The following STXBP4 variants were observed in gnomAD, a reference collection of about 807,000 sequenced individuals.
STXBP4 encodes syntaxin binding protein 4.
A neutral mutation model predicts 76.1 loss-of-function variants in STXBP4; 55 were observed. The observed-to-expected ratio is 0.72, with a 90% confidence interval of 0.58 to 0.91. The LOEUF (loss-of-function observed/expected upper bound fraction) is 0.91. STXBP4 is among the 40% of genes least tolerant of loss of function. The probability of loss-of-function intolerance (pLI) is 0.00; values close to 1 mark genes in which losing one functional copy is unlikely to be tolerated. For synonymous variants in STXBP4, 201 were observed against 220.2 expected (o/e 0.91, Z 0.77); for missense variants, 618 against 636.9 (o/e 0.97, Z 0.32).
intron 1 of STXBP4, among the ~76,000 whole-genome samples, chr17:54,982,920 T>C (rs559037675): frequency 4.1e-4 from 63 of 152,352 alleles, no homozygotes; most frequent in Middle Eastern, 6.8e-3. Context: ...TTTTCCAGCA[T>C]ACTGTAGTAG....
chr17:55,159,894 C>T lies in STXBP4; in HGVS notation c.1645C>T (p.Pro549Ser). Residue 549 changes from proline to serine, a missense_variant, in exon 18 of 18, where the codon CCC (proline) becomes TCC (serine). Coordinates refer to ENST00000376352, the MANE Select transcript of STXBP4 (RefSeq NM_178509.6). ...ENEEDCSREL[P>S]NQKS ...TGAAGAGGATTGCTCTAGAGAACTCCCCAACCAGAAAAGTTGATGGTTTTC... is the reference window on the plus strand; with the variant it reads ...TGAAGAGGATTGCTCTAGAGAACTCTCCAACCAGAAAAGTTGATGGTTTTC... 1.2e-6 allele frequency: 2 copies of T among 1,612,278 alleles called. No individual in the cohort carries two copies. Among genetic ancestry groups the T allele is most frequent in the Non-Finnish European group, 8.5e-7 (1 of 1,178,652 alleles).
chr17:55,159,938 A>T lies in STXBP4; in HGVS notation c.*27A>T. ...GGTTTTCCTTAGGAAGTGGAGCTAC[A>T]TGGATGATGTGAGCAGAGACGCATA... On this transcript the variant is annotated 3_prime_UTR_variant, in exon 18 of 18. Coordinates refer to ENST00000376352, the MANE Select transcript of STXBP4 (RefSeq NM_178509.6). 7.0e-7 allele frequency: 1 copy of T among 1,436,562 alleles called. No individual in the cohort carries two copies. Among genetic ancestry groups the T allele is most frequent in the Non-Finnish European group, 9.8e-7 (1 of 1,018,746 alleles). 89.0% of individuals were successfully genotyped at this position (1,436,562 alleles called of 1,614,324 possible). A position where few individuals can be genotyped will look rare whatever the true frequency, so the allele number is the denominator to read the frequency against.
the STXBP4 span, among the ~76,000 whole-genome samples, chr17:55,184,256 C>G: frequency 6.6e-6 from 1 of 152,068 alleles, no homozygotes; most frequent in Non-Finnish European, 1.5e-5. Flanking sequence ...CATTCCCAAT[C>G]TCAAAGAGAA....
intron 16 of STXBP4, among the ~76,000 whole-genome samples, chr17:55,116,659 C>T (rs981477628): frequency 4.2e-4 from 9 of 21,586 alleles, no homozygotes; most frequent in African/African-American, 4.1e-3. Context: ...TAATTATATG[C>T]AGTTATAACT....
intron 1 of STXBP4, among the ~76,000 whole-genome samples, chr17:54,969,939 A>G (rs2077365810): frequency 6.6e-6 from 1 of 152,258 alleles, no homozygotes; most frequent in Admixed American, 6.5e-5. Context: ...AAGACAATGT[A>G]ATAACATAGT....
chr17:55,116,508 G>A (rs186802559), intron 16 of STXBP4, among the ~76,000 whole-genome samples: 61 of 151,832 alleles, frequency 4.0e-4, no homozygotes, highest in Non-Finnish European at 8.3e-4. Flanking sequence ...AACAGTTTGG[G>A]ATTTCCAGAT....
chr17:55,042,293 T>C (rs761698777), intron 10 of STXBP4, among the ~76,000 whole-genome samples: 5 of 152,168 alleles, frequency 3.3e-5, no homozygotes, highest in Non-Finnish European at 5.9e-5. Context: ...TATTAACATT[T>C]CTGAGCTTGT....
At chr17:54,973,940 A>T (rs2077434268) in intron 1 of STXBP4, among the ~76,000 whole-genome samples, 1 of 152,226 alleles carries the variant, frequency 6.6e-6, no homozygotes, top group Non-Finnish European at 1.5e-5. Context: ...AGGTAAAGTA[A>T]GTTATATAAG....
At chr17:55,210,038 G>T in the STXBP4 span, among the ~76,000 whole-genome samples, 2 of 152,206 alleles carry the variant, frequency 1.3e-5, no homozygotes, top group Non-Finnish European at 2.9e-5. Flanking sequence ...ATGCAGGCAT[G>T]TTCATGTCTG....
downstream of STXBP4, among the ~76,000 whole-genome samples, chr17:55,177,873 G>A (rs2080436669): frequency 6.6e-6 from 1 of 152,172 alleles, no homozygotes; most frequent in East Asian, 1.9e-4. Context: ...AACACCTTTT[G>A]GGAAACAAAG....
intron 3 of STXBP4, among the ~76,000 whole-genome samples, chr17:54,986,818 A>G (rs1484063066): frequency 1.3e-5 from 2 of 152,214 alleles, no homozygotes; most frequent in Middle Eastern, 3.4e-3. Context: ...ATAAGCATTT[A>G]TTTTTTCTCA....
At chr17:55,001,369 T>C (rs1286618783) in intron 7 of STXBP4, among the ~76,000 whole-genome samples, 3 of 152,148 alleles carry the variant, frequency 2.0e-5, no homozygotes, top group Non-Finnish European at 4.4e-5. Context: ...TGATTCTTAA[T>C]TACCATAAAA....
chr17:55,205,120 G>A, the STXBP4 span, among the ~76,000 whole-genome samples: 5 of 152,046 alleles, frequency 3.3e-5, no homozygotes, highest in African/African-American at 7.2e-5. Context: ...AAGAGTAAAT[G>A]CAAGAGAATA....
intron 12 of STXBP4, among the ~76,000 whole-genome samples, chr17:55,071,864 C>G (rs1388937445): frequency 6.6e-6 from 1 of 152,084 alleles, no homozygotes. Context: ...GCAATTGGAG[C>G]AGAAAGTTCT....
intron 16 of STXBP4, among the ~76,000 whole-genome samples, chr17:55,107,074 A>G (rs897606596): frequency 1.3e-5 from 2 of 152,184 alleles, no homozygotes; most frequent in Admixed American, 6.5e-5. Context: ...AGGTACACCA[A>G]TCAAACATAG....
chr17:55,008,491 A>C (rs2144549027), intron 8 of STXBP4, among the ~76,000 whole-genome samples: 1 of 152,292 alleles, frequency 6.6e-6, no homozygotes, highest in African/African-American at 2.4e-5. Flanking sequence ...CACCTATAAC[A>C]AAAGACAGAT....
intron 17 of STXBP4, among the ~76,000 whole-genome samples, chr17:55,151,906 A>G (rs2145177018): frequency 6.6e-6 from 1 of 152,360 alleles, no homozygotes; most frequent in South Asian, 2.1e-4. Flanking sequence ...TTCAACTGTT[A>G]CATACAACCA....
Position 55,159,642 on chromosome 17 carries a change from G to T in STXBP4, c.1548-155G>T, listed in dbSNP as rs570928801. Among the ~76,000 whole-genome samples, 34 of 152,348 alleles carry T rather than the reference G, an allele frequency of 2.2e-4. 1 individual carries two copies. In the East Asian group the frequency reaches 6.0e-3, roughly 27 times the overall value. On this transcript the variant is annotated intron_variant, in intron 17 of 17. Transcript: ENST00000376352. ...TGGTTTTCATTGAAGCTTAAAATGT[G>T]TCTAAGACTTATTAAAGCTATTGGA... is the stretch of plus-strand genomic sequence containing the variant.
At chr17:55,076,637 T>C (rs916416102) in intron 13 of STXBP4, among the ~76,000 whole-genome samples, 1 of 152,170 alleles carries the variant, frequency 6.6e-6, no homozygotes, top group Admixed American at 6.6e-5. Flanking sequence ...TGAACTTACT[T>C]TAGTGTGTAC....
Sources: allele counts gnomAD v4.1 joint callset (sites outside exome capture counted in the v4.1 genomes callset), GRCh38; gene constraint gnomAD v4.1.1; transcripts MANE v1.5; gene names NCBI Gene and HGNC (gene_info 2026-07-23, HGNC 2026-07-21).